The following TANC1 variants were observed in gnomAD, a reference collection of about 807,000 sequenced individuals.
TANC1 encodes the protein tetratricopeptide repeat, ankyrin repeat and coiled-coil containing 1.
Under a neutral mutation model 149.7 loss-of-function variants are expected in TANC1, and 77 were observed. That is an observed-to-expected ratio of 0.51 (90% CI 0.43 to 0.62). TANC1 has a LOEUF of 0.62. TANC1 is among the 20% of genes least tolerant of loss of function. The pLI, the probability that TANC1 is intolerant of heterozygous loss-of-function variation, is 0.00. For synonymous variants in TANC1, 854 were observed against 925.0 expected (o/e 0.92, Z 1.39); for missense variants, 1,985 against 2,321.8 (o/e 0.85, Z 2.98).
intron 16 of TANC1, among the ~76,000 whole-genome samples, chr2:159,190,011 G>A (rs2057318866): frequency 6.6e-6 from 1 of 152,154 alleles, no homozygotes; most frequent in Non-Finnish European, 1.5e-5. Context: ...ACATCTTTAG[G>A]AAACCTCTGC....
At chr2:159,128,150 C>A (rs1305494203) in intron 4 of TANC1, among the ~76,000 whole-genome samples, 1 of 152,174 alleles carries the variant, frequency 6.6e-6, no homozygotes, top group African/African-American at 2.4e-5. Context: ...TTCCCTAGAT[C>A]TCACTTGTCT....
chr2:159,153,614 G>A (rs949622382), intron 7 of TANC1, among the ~76,000 whole-genome samples: 3 of 152,174 alleles, frequency 2.0e-5, no homozygotes, highest in African/African-American at 7.2e-5. Flanking sequence ...AGGAAAAGAC[G>A]CAAGAATTTC....
chr2:158,991,523 G>C (rs1259602969), intron 1 of TANC1, among the ~76,000 whole-genome samples: 2 of 151,684 alleles, frequency 1.3e-5, no homozygotes, highest in Non-Finnish European at 2.9e-5. Flanking sequence ...GGAGGCCGAG[G>C]TGGGTGGATC....
intron 19 of TANC1, 151 bp downstream of exon 19, chr2:159,199,204 A>G: frequency 1.8e-6 from 1 of 569,422 alleles, no homozygotes; most frequent in Non-Finnish European, 3.1e-6. Flanking sequence ...TGAACTTTCT[A>G]CATGAGTAGC....
chr2:158,983,624 C>T (rs569374869), intron 1 of TANC1, among the ~76,000 whole-genome samples: 1 of 152,022 alleles, frequency 6.6e-6, no homozygotes, highest in African/African-American at 2.4e-5. Context: ...GCTCCTCAGA[C>T]TTTTGTAATG....
At chr2:159,070,582 A>G (rs774543088) in intron 3 of TANC1, among the ~76,000 whole-genome samples, 3 of 152,244 alleles carry the variant, frequency 2.0e-5, no homozygotes, top group African/African-American at 4.8e-5. Flanking sequence ...AATTGATTCA[A>G]AAATCCATCT....
At chr2:159,180,291 T>C (rs921659246) in intron 14 of TANC1, among the ~76,000 whole-genome samples, 1 of 152,244 alleles carries the variant, frequency 6.6e-6, no homozygotes, top group African/African-American at 2.4e-5. Flanking sequence ...GCTGTGACAT[T>C]TCTAGCCAAG....
chr2:159,165,489 A>C (rs913956011), intron 8 of TANC1, among the ~76,000 whole-genome samples: 1 of 152,210 alleles, frequency 6.6e-6, no homozygotes, highest in Admixed American at 6.5e-5. Flanking sequence ...TCTGTTAACA[A>C]GCTAGGAGTC....
At chr2:159,011,527 A>ATTTTTTT (rs10586189) in intron 2 of TANC1, among the ~76,000 whole-genome samples, 4 of 106,724 alleles carry the variant, frequency 3.7e-5, no homozygotes, top group South Asian at 3.7e-4. Context: ...TACACCTTAA[A>ATTTTTTT]TTTTTTTTTT....
chr2:159,194,488 G>T lies in TANC1; in HGVS notation c.2974G>T (p.Val992Leu). Residue 992 changes from valine (V) to leucine (L), a missense_variant, in exon 17 of 27, where the codon GTG becomes TTG. This residue lies in a region of TANC1 where 508 missense variants were observed against 714.2 expected (regional missense o/e 0.71). Transcript: ENST00000263635. ...GGTGTGTCTGCTGACCAAGAAGGGA[G>T]TGAGAGTAAGCGGCAGCCTGCTCTT... ...KLVCLLTKKG[V>L]RVDHLDKKGQ... The T allele has an allele frequency of 6.2e-7, 1 of 1,613,758 alleles. No homozygotes were observed. Among genetic ancestry groups the T allele is most frequent in the Non-Finnish European group, 8.5e-7 (1 of 1,179,648 alleles).
intron 4 of TANC1, among the ~76,000 whole-genome samples, chr2:159,133,546 T>G (rs942532207): frequency 4.6e-5 from 7 of 152,114 alleles, no homozygotes; most frequent in Admixed American, 1.3e-4. Context: ...ATCTGTCCTA[T>G]TCAGGCCCTT....
intron 19 of TANC1, among the ~76,000 whole-genome samples, chr2:159,215,598 T>C (rs1442878515): frequency 6.6e-6 from 1 of 152,202 alleles, no homozygotes; most frequent in Non-Finnish European, 1.5e-5. Context: ...CCAGCATCAC[T>C]GAGCCCTTGG....
intron 3 of TANC1, among the ~76,000 whole-genome samples, chr2:159,095,201 C>T (rs978546494): frequency 6.6e-6 from 1 of 152,106 alleles, no homozygotes; most frequent in Admixed American, 6.5e-5. Context: ...TTGCTTCGGC[C>T]TCCCAAAATG....
At chr2:159,091,372 C>T (rs2045521341) in intron 3 of TANC1, among the ~76,000 whole-genome samples, 1 of 152,126 alleles carries the variant, frequency 6.6e-6, no homozygotes, top group Admixed American at 6.5e-5. Context: ...CACCCAGAAC[C>T]CTGTCCTGGC....
intron 19 of TANC1, among the ~76,000 whole-genome samples, chr2:159,216,350 C>A (rs772022528): frequency 2.0e-5 from 3 of 152,160 alleles, no homozygotes; most frequent in Non-Finnish European, 4.4e-5. Flanking sequence ...ACAGAGCCAT[C>A]CCAGGCACGT....
chr2:158,999,187 G>A (rs985933194), intron 1 of TANC1, among the ~76,000 whole-genome samples: 9 of 152,148 alleles, frequency 5.9e-5, no homozygotes, highest in African/African-American at 2.2e-4. Flanking sequence ...GTGATGTAAT[G>A]GTGTGCACAA....
Position 159,008,724 on chromosome 2 carries a change from A to G in TANC1, c.-16+7535A>G, listed in dbSNP as rs544713042. 2.0e-5 allele frequency among the ~76,000 whole-genome samples: 3 copies of G among 152,326 alleles called. 1 individual carries two copies. Among genetic ancestry groups the G allele is most frequent in the South Asian group, 4.1e-4 (2 of 4,822 alleles). On this transcript the variant is annotated intron_variant, in intron 2 of 26. Coordinates refer to ENST00000263635, the MANE Select transcript of TANC1 (RefSeq NM_033394.3). ...TATATCAAATAATTTCATGTTTAATATGATGTTCTGGCTTTTGGTTTTAGT... is the reference window on the plus strand; with the variant it reads ...TATATCAAATAATTTCATGTTTAATGTGATGTTCTGGCTTTTGGTTTTAGT...
Position 159,199,063 on chromosome 2 carries a change from A to G in TANC1, c.3244+10A>G, listed in dbSNP as rs757503993. Reference sequence around the variant, plus strand: ...TTGTGGGGAGAAACAGGTAATTATAATGCCACTGCTTGTAGTCTGGGGCAG... The same window carrying G: ...TTGTGGGGAGAAACAGGTAATTATAGTGCCACTGCTTGTAGTCTGGGGCAG... On this transcript the variant is annotated intron_variant, in intron 19 of 26. Coordinates refer to ENST00000263635, the MANE Select transcript of TANC1 (RefSeq NM_033394.3). 2.5e-6 allele frequency: 4 copies of G among 1,609,242 alleles called. No homozygotes were observed. Among genetic ancestry groups the G allele is most frequent in the Non-Finnish European group, 3.4e-6 (4 of 1,175,724 alleles).
intron 2 of TANC1, among the ~76,000 whole-genome samples, chr2:159,025,179 T>TC (rs1491349490): frequency 1.2e-4 from 13 of 105,998 alleles, no homozygotes; most frequent in African/African-American, 4.3e-4. Context: ...TCTTTCTTTC[T>TC]TTTTCTTTCT....
Sources: gnomAD v4.1 joint callset for allele counts (sites outside exome capture counted in the v4.1 genomes callset) on GRCh38, gnomAD v4.1.1 for gene constraint, gnomAD v4.1.1 regional missense constraint, MANE v1.5 for transcripts, NCBI Gene and HGNC (gene_info 2026-07-23, HGNC 2026-07-21) for gene names.